SLC26A7: variants seen among roughly 807,000 people sequenced by gnomAD.
SLC26A7 encodes solute carrier family 26 member 7.
Under a neutral mutation model 82.5 loss-of-function variants are expected in SLC26A7, and 59 were observed. The ratio of observed to expected loss-of-function variants is 0.72; its 90% confidence interval spans 0.58 to 0.89. The LOEUF is 0.89. SLC26A7 is among the 40% of genes least tolerant of loss of function. The probability of loss-of-function intolerance (pLI) is 0.00; values close to 1 mark genes in which losing one functional copy is unlikely to be tolerated. For missense variants in SLC26A7, 820 were observed against 793.0 expected, an observed-to-expected ratio of 1.03 and a Z score of -0.41; for synonymous variants, 271 against 274.3, an observed-to-expected ratio of 0.99 and a Z score of 0.12.
chr8:91,266,472 A>G (rs1054818046), intron 2 of SLC26A7, among the ~76,000 whole-genome samples: 18 of 151,618 alleles, frequency 1.2e-4, no homozygotes, highest in Non-Finnish European at 2.9e-5. Context: ...ATTCCTAGGT[A>G]TTTTATTTTA....
chr8:91,326,519 C>T (rs1394363491), intron 5 of SLC26A7, among the ~76,000 whole-genome samples: 3 of 152,090 alleles, frequency 2.0e-5, no homozygotes, highest in Non-Finnish European at 4.4e-5. Flanking sequence ...TTAGGGCCCA[C>T]CCTAATGGCT....
chr8:91,332,137 A>AATTTTT (rs1813098208), intron 5 of SLC26A7, among the ~76,000 whole-genome samples: 1 of 145,994 alleles, frequency 6.8e-6, no homozygotes, highest in South Asian at 2.1e-4. Flanking sequence ...TACTGTTTTA[A>AATTTTT]ATTTTTCATA....
At chr8:91,289,282 C>T (rs763639719) in intron 3 of SLC26A7, 36 bp downstream of exon 3, 18 of 1,485,714 alleles carry the variant, frequency 1.2e-5, no homozygotes, top group South Asian at 3.4e-5. Flanking sequence ...TAATGTTACT[C>T]GCAAAAAAGA....
chr8:91,296,100 T>G (rs762779158), intron 4 of SLC26A7, among the ~76,000 whole-genome samples: 9 of 152,186 alleles, frequency 5.9e-5, no homozygotes, highest in Non-Finnish European at 8.8e-5. Context: ...TCTAGTGTCC[T>G]TCCCAGTTTT....
intron 2 of SLC26A7, among the ~76,000 whole-genome samples, chr8:91,234,056 T>C (rs1390003794): frequency 6.6e-6 from 1 of 152,244 alleles, no homozygotes. Context: ...GATTTAACAC[T>C]GGTTTATGTG....
chr8:91,249,913 C>G (rs2130695742), intron 2 of SLC26A7, 69 bp downstream of exon 2: 1 of 1,233,396 alleles, frequency 8.1e-7, no homozygotes, highest in Non-Finnish European at 1.1e-6. Flanking sequence ...TGGAATAATA[C>G]TATGACCTAG....
intron 9 of SLC26A7, among the ~76,000 whole-genome samples, chr8:91,351,384 C>G (rs887660891): frequency 6.6e-5 from 10 of 152,248 alleles, no homozygotes; most frequent in African/African-American, 1.9e-4. Context: ...ATTATCAGCA[C>G]AGAAAAATCC....
intron 15 of SLC26A7, among the ~76,000 whole-genome samples, chr8:91,383,107 A>G (rs1009426457): frequency 6.6e-6 from 1 of 152,144 alleles, no homozygotes; most frequent in African/African-American, 2.4e-5. Flanking sequence ...ATAGGGCAAT[A>G]ATAATCTAGA....
chr8:91,286,710 C>G (rs1211434128), intron 2 of SLC26A7, among the ~76,000 whole-genome samples: 1 of 152,114 alleles, frequency 6.6e-6, no homozygotes, highest in Non-Finnish European at 1.5e-5. Context: ...GATAATTCTG[C>G]TAATTTGTTA....
chr8:91,320,895 C>A (rs529962257), intron 5 of SLC26A7, among the ~76,000 whole-genome samples: 9 of 152,192 alleles, frequency 5.9e-5, no homozygotes, highest in African/African-American at 1.7e-4. Context: ...ATTCTTGGAA[C>A]ATAAATTGGA....
chr8:91,348,691 TAAG>T (rs1228147835), intron 9 of SLC26A7, among the ~76,000 whole-genome samples: 1 of 148,628 alleles, frequency 6.7e-6, no homozygotes, highest in Non-Finnish European at 1.5e-5. Flanking sequence ...TGAAACTTAT[TAAG>T]AAGGAGCTAG....
intron 15 of SLC26A7, among the ~76,000 whole-genome samples, chr8:91,376,370 A>G (rs913988040): frequency 2.0e-5 from 3 of 152,120 alleles, no homozygotes; most frequent in African/African-American, 7.2e-5. Context: ...TGAATTTTAT[A>G]TAATTTGGAT....
chr8:91,338,082 A>G, intron 6 of SLC26A7, 68 bp from the exon 7 acceptor site: 1 of 1,029,942 alleles, frequency 9.7e-7, no homozygotes. Flanking sequence ...ACTTTTAAAA[A>G]TTGTTTTAAG....
intron 4 of SLC26A7, among the ~76,000 whole-genome samples, chr8:91,302,915 C>A (rs1351170291): frequency 1.3e-5 from 2 of 148,174 alleles, no homozygotes; most frequent in African/African-American, 5.0e-5. Flanking sequence ...ACAGTAGGAA[C>A]TCTTGTGATT....
intron 15 of SLC26A7, among the ~76,000 whole-genome samples, chr8:91,371,319 C>G (rs1213919994): frequency 1.3e-5 from 2 of 151,574 alleles, no homozygotes; most frequent in Non-Finnish European, 3.0e-5. Context: ...TCAGGGGAGA[C>G]GTGCAGGATG....
upstream of SLC26A7, among the ~76,000 whole-genome samples, chr8:91,248,863 G>A (rs1810585779): frequency 6.6e-6 from 1 of 152,098 alleles, no homozygotes; most frequent in Non-Finnish European, 1.5e-5. Context: ...TGCTCATTGT[G>A]ATACTTATTC....
At chr8:91,210,983 T>C (rs1387413905) in intron 1 of SLC26A7, among the ~76,000 whole-genome samples, 1 of 152,030 alleles carries the variant, frequency 6.6e-6, no homozygotes, top group African/African-American at 2.4e-5. Flanking sequence ...TATTGAGAGC[T>C]AAAGATGAAA....
At chr8:91,363,296 C>A (rs896558714) in intron 12 of SLC26A7, among the ~76,000 whole-genome samples, 176 bp from the exon 13 acceptor site, 1 of 151,862 alleles carries the variant, frequency 6.6e-6, no homozygotes, top group Non-Finnish European at 1.5e-5. Flanking sequence ...AACCTCTATC[C>A]CCGAATATCC....
intron 2 of SLC26A7, among the ~76,000 whole-genome samples, chr8:91,224,973 C>G (rs1331524133): frequency 2.0e-5 from 3 of 152,244 alleles, no homozygotes; most frequent in African/African-American, 7.2e-5. Context: ...CCGACTGACA[C>G]AGCCAATGCG....
Sources: allele counts gnomAD v4.1 joint callset (sites outside exome capture counted in the v4.1 genomes callset), GRCh38; gene constraint gnomAD v4.1.1; transcripts MANE v1.5; gene names NCBI Gene and HGNC (gene_info 2026-07-23, HGNC 2026-07-21).